USP39: variants seen among roughly 807,000 people sequenced by gnomAD.
USP39 encodes the protein ubiquitin carboxyl-terminal hydrolase 39.
In USP39, 38 loss-of-function variants were observed where a neutral mutation model predicts 66.4. The ratio of observed to expected loss-of-function variants is 0.57; its 90% CI spans 0.44 to 0.75. The LOEUF is 0.75. Ranked by LOEUF, USP39 falls within the 30% of genes least tolerant of loss-of-function variation. The pLI, the probability that USP39 is intolerant of heterozygous loss-of-function variation, is 0.00. For synonymous variants in USP39, 303 were observed against 274.6 expected (o/e 1.10, Z -1.02); for missense variants, 608 against 714.4 (o/e 0.85, Z 1.70).
At chr2:85,606,205 T>C (rs190891825) in intron 1 of USP39, among the ~76,000 whole-genome samples, 222 of 152,342 alleles carry the variant, frequency 1.5e-3, no homozygotes, top group African/African-American at 5.1e-3. Flanking sequence ...AATTACATCG[T>C]ATCTAGTCAA....
upstream of USP39, chr2:85,608,701 CAAAAAAAAAAAAAAAAAA>C (rs5832651): frequency 7.2e-5 from 4 of 55,406 alleles, no homozygotes; most frequent in Admixed American, 7.0e-4. Flanking sequence ...ACAAAATCCT[CAAAAAAAAAAAAAAAAAA>C]AAAAAAAAAA....
intron 1 of USP39, among the ~76,000 whole-genome samples, 159 bp from the exon 2 acceptor site, chr2:85,619,061 G>A (rs530008672): frequency 1.3e-5 from 2 of 152,076 alleles, no homozygotes; most frequent in East Asian, 1.9e-4. Flanking sequence ...ATGAGCTACC[G>A]CGCCCGGCTA....
chr2:85,609,360 CAG>C, upstream of USP39: 1 of 1,553,524 alleles, frequency 6.4e-7, no homozygotes, highest in Middle Eastern at 1.7e-4. Context: ...CTGAGGAAAA[CAG>C]GGCTCAGGGT....
At chr2:85,611,927 C>T (rs1673571039), upstream of USP39, 1 of 1,588,284 alleles carries the variant, frequency 6.3e-7, no homozygotes. Context: ...TGGTTCATGT[C>T]CAGCCGCCCC....
At chr2:85,613,690 A>G (rs922716469), upstream of USP39, among the ~76,000 whole-genome samples, 23 of 145,008 alleles carry the variant, frequency 1.6e-4, no homozygotes, top group Admixed American at 1.0e-3. Flanking sequence ...AAACTAATCT[A>G]TAGTGACCGA....
chr2:85,645,221 G>T (rs1056508083), intron 11 of USP39, 138 bp downstream of exon 11: 113 of 1,118,284 alleles, frequency 1.0e-4, no homozygotes, highest in Non-Finnish European at 1.4e-4. Flanking sequence ...GCTGTCAGTA[G>T]TTAGTTTAAG....
At chr2:85,647,173 G>A (rs1473979348) in intron 11 of USP39, among the ~76,000 whole-genome samples, 1 of 152,104 alleles carries the variant, frequency 6.6e-6, no homozygotes, top group Non-Finnish European at 1.5e-5. Flanking sequence ...ACAGGCGTAA[G>A]CCCCTGTGCC....
chr2:85,634,489 C>G (rs909632063), intron 6 of USP39, among the ~76,000 whole-genome samples: 3 of 152,102 alleles, frequency 2.0e-5, no homozygotes, highest in African/African-American at 7.2e-5. Context: ...TGGAAGGATT[C>G]CTTGGGCCTG....
upstream of USP39, among the ~76,000 whole-genome samples, chr2:85,615,056 G>A (rs1038635792): frequency 3.3e-5 from 5 of 151,078 alleles, no homozygotes; most frequent in African/African-American, 4.9e-5. Context: ...GTTTCACTCT[G>A]GTTGCCCAGG....
intron 1 of USP39, among the ~76,000 whole-genome samples, chr2:85,604,718 T>C (rs1673155380): frequency 1.3e-5 from 2 of 152,248 alleles, no homozygotes. Flanking sequence ...CCTGCCCAAC[T>C]GCATTCCCAC....
At chr2:85,612,063 C>T (rs1392268185), upstream of USP39, 2 of 1,143,806 alleles carry the variant, frequency 1.7e-6, no homozygotes, top group Admixed American at 6.0e-5. Flanking sequence ...CCGCGCCGCC[C>T]CTTGCTCAGC....
chr2:85,646,975 C>T (rs577976023), intron 11 of USP39, among the ~76,000 whole-genome samples: 35 of 151,632 alleles, frequency 2.3e-4, no homozygotes, highest in African/African-American at 8.5e-4. Context: ...GCAACCTCCA[C>T]CTCCTGGGTT....
intron 6 of USP39, among the ~76,000 whole-genome samples, chr2:85,632,665 G>A (rs1391002864): frequency 6.6e-6 from 1 of 151,970 alleles, no homozygotes; most frequent in Non-Finnish European, 1.5e-5. Flanking sequence ...AGCCAGGCAG[G>A]TCTCGAGCTC....
chr2:85,616,569 GT>G, intron 1 of USP39, 106 bp downstream of exon 1: 1 of 1,307,700 alleles, frequency 7.6e-7, no homozygotes, highest in South Asian at 1.7e-5. Flanking sequence ...TGGGGGAGGG[GT>G]GGGGTTGGGG....
chr2:85,616,323 C>T lies in USP39; in HGVS notation c.128C>T (p.Ser43Phe), dbSNP rs763164583. 2 of 1,588,356 alleles carry T rather than the reference C, an allele frequency of 1.3e-6. No homozygotes were observed. Among genetic ancestry groups the T allele is most frequent in the Admixed American group, 1.7e-5 (1 of 57,840 alleles). ...DREREPEAAS[S>F]RGSPVRVKRE... The stretch of plus-strand genomic sequence containing the variant: ...GAGCGGGAGCCTGAGGCGGCGAGCT[C>T]CCGGGGCAGCCCTGTGCGCGTGAAG... The change falls in exon 1 of 13, where the codon TCC (serine) becomes TTC (phenylalanine). Residue 43 changes from serine to phenylalanine, a missense_variant. Physicochemically the swap from Ser to Phe is radical, Grantham distance 155. This residue lies in a region of USP39 where 207 missense variants were observed against 145.7 expected (regional missense o/e 1.42). Transcript: ENST00000323701.
At position 85,616,328 on chromosome 2, in the gene USP39, G is replaced by A. The variant is rs1449122669; in HGVS notation, c.133G>A (p.Gly45Ser). Reference protein sequence around the residue: ...EREPEAASSRGSPVRVKREFE... With the variant: ...EREPEAASSRSSPVRVKREFE... ...GGAGCCTGAGGCGGCGAGCTCCCGG[G>A]GCAGCCCTGTGCGCGTGAAGCGGGA... Residue 45 changes from glycine to serine, a missense_variant, in exon 1 of 13, where the codon GGC (glycine) becomes AGC (serine). Around this residue, in one of 6 missense-constraint regions of USP39, gnomAD observed 207 missense variants for 145.7 expected, o/e 1.42. Coordinates refer to ENST00000323701, the MANE Select transcript of USP39 (RefSeq NM_006590.4). The A allele has an allele frequency of 3.1e-6, 5 of 1,599,262 alleles. No individual in the cohort carries two copies. The Middle Eastern group carries it at 5.0e-4, about 161-fold the overall frequency.
At position 85,624,187 on chromosome 2, in the gene USP39, ATATCT is replaced by A. The variant is rs533793824; in HGVS notation, c.570+411_570+415del. Among the ~76,000 whole-genome samples the A allele has an allele frequency of 4.5e-4, 69 of 152,184 alleles. 1 individual carries two copies. Among genetic ancestry groups the A allele is most frequent in the South Asian group, 1.2e-3 (6 of 4,822 alleles). On this transcript the variant is annotated intron_variant, in intron 4 of 12. Transcript: ENST00000323701. ...CCGTGGCCAGAGCATCCAGCCACAG[ATATCT>A]TATCTGTGGGCTCTAGTTTGTGACC...
intron 5 of USP39, among the ~76,000 whole-genome samples, chr2:85,629,760 G>A (rs889312054): frequency 6.6e-6 from 1 of 152,106 alleles, no homozygotes; most frequent in African/African-American, 2.4e-5. Context: ...GCCTCCCAAA[G>A]TGCTGGGATT....
At position 85,648,784 on chromosome 2, in the gene USP39, T is replaced by A. The variant is rs758766897; in HGVS notation, c.1674T>A (p.Asp558Glu). Residue 558 changes from aspartate to glutamate, a missense_variant, in exon 13 of 13, where the codon GAT (aspartate) becomes GAA (glutamate). Around this residue, in one of 6 missense-constraint regions of USP39, gnomAD observed 164 missense variants for 250.3 expected, o/e 0.66. Transcript: ENST00000323701. ...AGATTTGGAAGAGGCGAGATAATGA[T>A]GAAACCAACCAGCAGGGGGCTTGAA... ...YIQIWKRRDN[D>E]ETNQQGA The A allele has an allele frequency of 3.7e-6, 6 of 1,614,166 alleles. No homozygotes were observed. The highest frequency in any genetic ancestry group is 4.2e-6 in the Non-Finnish European group (5 of 1,180,020).
Sources: allele counts gnomAD v4.1 joint callset (sites outside exome capture counted in the v4.1 genomes callset), GRCh38; gene constraint gnomAD v4.1.1; regional missense constraint gnomAD v4.1.1; transcripts MANE v1.5; gene names NCBI Gene and HGNC (gene_info 2026-07-23, HGNC 2026-07-21).